SBF2: variants seen among roughly 807,000 people sequenced by gnomAD.
SBF2 encodes the protein SET binding factor 2, also known as myotubularin-related protein 13.
A neutral mutation model predicts 225.2 loss-of-function variants in SBF2; 112 were observed. The ratio of observed to expected loss-of-function variants is 0.50; its 90% CI spans 0.43 to 0.58. The LOEUF is 0.58. Ranked by LOEUF, SBF2 falls within the 20% of genes least tolerant of loss-of-function variation. SBF2 has a pLI of 0.00. For missense variants in SBF2, 1,996 were observed against 2,206.2 expected, an observed-to-expected ratio of 0.90 and a Z score of 1.91; for synonymous variants, 763 against 773.3, an observed-to-expected ratio of 0.99 and a Z score of 0.22.
At chr11:9,865,212 G>A (rs1174166653) in intron 17 of SBF2, among the ~76,000 whole-genome samples, 3 of 152,004 alleles carry the variant, frequency 2.0e-5, no homozygotes, top group African/African-American at 7.2e-5. Context: ...GATTTATTCA[G>A]GTAATGAGAA....
intron 16 of SBF2, among the ~76,000 whole-genome samples, chr11:9,896,536 A>C (rs1861271680): frequency 6.6e-6 from 1 of 152,140 alleles, no homozygotes; most frequent in Non-Finnish European, 1.5e-5. Context: ...TCATGCCTGT[A>C]ATCCCAGCAC....
chr11:10,299,864 A>G (rs574666770), intron 1 of SBF2, among the ~76,000 whole-genome samples: 5 of 152,334 alleles, frequency 3.3e-5, no homozygotes, highest in Non-Finnish European at 5.9e-5. Context: ...TGTATATCAG[A>G]TCATGTCTCT....
chr11:9,988,443 G>T (rs1383479763), intron 13 of SBF2, among the ~76,000 whole-genome samples: 3 of 151,958 alleles, frequency 2.0e-5, no homozygotes, highest in African/African-American at 7.3e-5. Context: ...ACAGCAAAAG[G>T]AACAGTCAGC....
chr11:10,260,544 C>A (rs6484141), intron 1 of SBF2, among the ~76,000 whole-genome samples: 11 of 151,638 alleles, frequency 7.3e-5, no homozygotes, highest in South Asian at 4.2e-4. Context: ...ATGAAACCCC[C>A]TCTCTACTAA....
chr11:9,898,163 G>A (rs1426311558), intron 16 of SBF2, among the ~76,000 whole-genome samples: 1 of 151,922 alleles, frequency 6.6e-6, no homozygotes, highest in African/African-American at 2.4e-5. Context: ...CGGATGGGGA[G>A]GGCGTAGTAC....
At chr11:10,157,927 G>A (rs544260255) in intron 2 of SBF2, among the ~76,000 whole-genome samples, 1 of 152,234 alleles carries the variant, frequency 6.6e-6, no homozygotes, top group East Asian at 1.9e-4. Context: ...CTCCAGGATA[G>A]ATCAAGTTAG....
chr11:10,050,945 G>A (rs919943548), intron 2 of SBF2, among the ~76,000 whole-genome samples: 1 of 152,130 alleles, frequency 6.6e-6, no homozygotes, highest in African/African-American at 2.4e-5. Flanking sequence ...AAAACCATGG[G>A]TAAGGGGGAA....
intron 2 of SBF2, among the ~76,000 whole-genome samples, chr11:10,151,116 C>A (rs1955162685): frequency 6.6e-6 from 1 of 152,166 alleles, no homozygotes; most frequent in Non-Finnish European, 1.5e-5. Context: ...ATCTTATATT[C>A]CAAAATACAC....
At chr11:9,888,785 G>C (rs1860551420) in intron 17 of SBF2, among the ~76,000 whole-genome samples, 1 of 152,134 alleles carries the variant, frequency 6.6e-6, no homozygotes, top group African/African-American at 2.4e-5. Context: ...AAGAACTTGA[G>C]GTTTGAAATC....
At chr11:10,111,821 G>A (rs1298606365) in intron 2 of SBF2, among the ~76,000 whole-genome samples, 1 of 152,208 alleles carries the variant, frequency 6.6e-6, no homozygotes, top group Non-Finnish European at 1.5e-5. Context: ...AAATTGCAGT[G>A]AGCTGAGTTC....
chr11:9,954,987 A>T (rs1367505327), intron 16 of SBF2, among the ~76,000 whole-genome samples: 1 of 152,072 alleles, frequency 6.6e-6, no homozygotes, highest in East Asian at 1.9e-4. Context: ...CTATTCCTTT[A>T]TCCTCTATAA....
At chr11:9,952,120 A>G (rs1865894232) in intron 16 of SBF2, among the ~76,000 whole-genome samples, 1 of 152,244 alleles carries the variant, frequency 6.6e-6, no homozygotes, top group Non-Finnish European at 1.5e-5. Flanking sequence ...TAAAGGGGGA[A>G]AGCCCACTGG....
At chr11:10,026,135 TG>T (rs1262445771) in intron 6 of SBF2, among the ~76,000 whole-genome samples, 3 of 151,940 alleles carry the variant, frequency 2.0e-5, no homozygotes, top group Admixed American at 6.6e-5. Flanking sequence ...CCCTGGTCCT[TG>T]ACGCTAAATG....
At chr11:9,959,401 T>C (rs1866411710) in intron 16 of SBF2, 2 of 863,858 alleles carry the variant, frequency 2.3e-6, no homozygotes, top group East Asian at 2.4e-5. Context: ...TGAGATTATA[T>C]ATTCCTGCTC....
intron 2 of SBF2, among the ~76,000 whole-genome samples, chr11:10,181,842 TATATTTGA>T (rs1956748015): frequency 6.6e-6 from 1 of 152,184 alleles, no homozygotes; most frequent in African/African-American, 2.4e-5. Flanking sequence ...TTGATAAATT[TATATTTGA>T]TTAATGAGCT....
At chr11:10,112,873 T>C (rs1054764160) in intron 2 of SBF2, among the ~76,000 whole-genome samples, 3 of 152,228 alleles carry the variant, frequency 2.0e-5, no homozygotes, top group Non-Finnish European at 2.9e-5. Flanking sequence ...GCATTACATA[T>C]GTGTACTTAT....
chr11:9,915,149 A>C (rs1862967334), intron 16 of SBF2, among the ~76,000 whole-genome samples: 1 of 152,146 alleles, frequency 6.6e-6, no homozygotes. Flanking sequence ...CCAAGGAAAG[A>C]GAGTACTTGA....
At chr11:9,984,115 G>C (rs1488798029) in intron 13 of SBF2, among the ~76,000 whole-genome samples, 1 of 152,202 alleles carries the variant, frequency 6.6e-6, no homozygotes, top group Non-Finnish European at 1.5e-5. Context: ...CAGGAGGTTA[G>C]TTACTAAGCT....
intron 2 of SBF2, among the ~76,000 whole-genome samples, chr11:10,062,684 A>G (rs919180191): frequency 2.6e-5 from 4 of 152,202 alleles, no homozygotes; most frequent in African/African-American, 9.6e-5. Context: ...AAATTCAAAA[A>G]ATAACAGATG....
Sources: allele counts gnomAD v4.1 joint callset (sites outside exome capture counted in the v4.1 genomes callset), GRCh38; gene constraint gnomAD v4.1.1; transcripts MANE v1.5; gene names NCBI Gene and HGNC (gene_info 2026-07-23, HGNC 2026-07-21).